The following SGMS1 variants were observed in gnomAD, a reference collection of about 807,000 sequenced individuals.
SGMS1 encodes the protein sphingomyelin synthase 1.
A neutral mutation model predicts 46.2 loss-of-function variants in SGMS1; 13 were observed. The ratio of observed to expected loss-of-function variants is 0.28; its 90% CI spans 0.18 to 0.45. SGMS1 has a LOEUF of 0.45. SGMS1 is among the 20% of genes least tolerant of loss of function. The probability of loss-of-function intolerance (pLI) is 1.00; values close to 1 mark genes in which losing one functional copy is unlikely to be tolerated. For synonymous variants in SGMS1, 203 were observed against 187.8 expected, an observed-to-expected ratio of 1.08 and a Z score of -0.66; for missense variants, 324 against 519.9, an observed-to-expected ratio of 0.62 and a Z score of 3.66.
intron 2 of SGMS1, among the ~76,000 whole-genome samples, chr10:50,523,625 T>C (rs2133792459): frequency 6.6e-6 from 1 of 152,356 alleles, no homozygotes. Context: ...CTTGTTTATG[T>C]GCATATTCTT....
At chr10:50,369,417 G>A (rs1233599869) in intron 6 of SGMS1, among the ~76,000 whole-genome samples, 2 of 152,182 alleles carry the variant, frequency 1.3e-5, no homozygotes, top group Admixed American at 6.5e-5. Context: ...AGGATCCCTT[G>A]AGCCTGGGAA....
intron 6 of SGMS1, among the ~76,000 whole-genome samples, chr10:50,408,676 C>G (rs1849056902): frequency 6.6e-6 from 1 of 151,512 alleles, no homozygotes; most frequent in African/African-American, 2.4e-5. Flanking sequence ...GAGTGAGACT[C>G]CATTTAAAAA....
At chr10:50,576,387 A>C (rs1040980838) in intron 2 of SGMS1, among the ~76,000 whole-genome samples, 1 of 152,224 alleles carries the variant, frequency 6.6e-6, no homozygotes, top group Admixed American at 6.5e-5. Context: ...CACTCATCTC[A>C]GAGTCACCCT....
chr10:50,613,970 A>G (rs545227762), intron 1 of SGMS1, among the ~76,000 whole-genome samples: 1 of 152,312 alleles, frequency 6.6e-6, no homozygotes, highest in South Asian at 2.1e-4. Flanking sequence ...TTTCCTACAA[A>G]CACAGTTTTC....
chr10:50,619,991 T>G (rs1015744589), intron 1 of SGMS1, among the ~76,000 whole-genome samples: 2 of 152,230 alleles, frequency 1.3e-5, no homozygotes, highest in Non-Finnish European at 2.9e-5. Flanking sequence ...GTGTGTGATG[T>G]GTTTATCTGT....
intron 6 of SGMS1, among the ~76,000 whole-genome samples, chr10:50,426,243 A>T (rs998446031): frequency 9.2e-5 from 14 of 152,258 alleles, no homozygotes; most frequent in Admixed American, 8.5e-4. Flanking sequence ...CCAAAATGAA[A>T]GTATTTTTCG....
At chr10:50,313,030 C>T (rs1033550251) in intron 8 of SGMS1, among the ~76,000 whole-genome samples, 15 of 152,128 alleles carry the variant, frequency 9.9e-5, no homozygotes, top group Non-Finnish European at 4.4e-5. Flanking sequence ...AAAACCAAGG[C>T]AATTACTAAC....
At chr10:50,418,553 A>T (rs887156409) in intron 6 of SGMS1, 1 of 152,246 alleles carries the variant, frequency 6.6e-6, no homozygotes, top group Non-Finnish European at 1.5e-5. Context: ...TTCTTGATTT[A>T]TACCAAGCTT....
intron 6 of SGMS1, among the ~76,000 whole-genome samples, chr10:50,359,057 C>A (rs1445595943): frequency 6.6e-6 from 1 of 152,190 alleles, no homozygotes; most frequent in Admixed American, 6.5e-5. Flanking sequence ...ATTCCACAGT[C>A]CAACTCTGGT....
chr10:50,391,025 C>T (rs550187110), intron 6 of SGMS1, among the ~76,000 whole-genome samples: 7 of 152,308 alleles, frequency 4.6e-5, no homozygotes, highest in Admixed American at 2.0e-4. Context: ...CTGGCCTTGT[C>T]CTGGAATAGG....
chr10:50,488,493 G>A (rs1837541496), intron 3 of SGMS1, among the ~76,000 whole-genome samples: 1 of 152,112 alleles, frequency 6.6e-6, no homozygotes, highest in South Asian at 2.1e-4. Context: ...TTATTCTTTT[G>A]AAGAAATTAA....
chr10:50,417,261 T>C (rs2133586755), intron 6 of SGMS1, among the ~76,000 whole-genome samples: 1 of 152,280 alleles, frequency 6.6e-6, no homozygotes, highest in African/African-American at 2.4e-5. Flanking sequence ...AAAGCGGGTT[T>C]TTTAAGTGGC....
intron 3 of SGMS1, among the ~76,000 whole-genome samples, chr10:50,510,306 T>C (rs1203842215): frequency 6.6e-6 from 1 of 152,226 alleles, no homozygotes; most frequent in African/African-American, 2.4e-5. Flanking sequence ...CAATTACATT[T>C]TTTCCAGTTT....
At chr10:50,449,229 C>A (rs1350502621) in intron 5 of SGMS1, among the ~76,000 whole-genome samples, 1 of 152,214 alleles carries the variant, frequency 6.6e-6, no homozygotes, top group African/African-American at 2.4e-5. Flanking sequence ...AATCCATCTA[C>A]CTACCTGCCT....
intron 2 of SGMS1, among the ~76,000 whole-genome samples, chr10:50,586,063 A>G (rs1176877634): frequency 6.6e-6 from 1 of 152,182 alleles, no homozygotes; most frequent in African/African-American, 2.4e-5. Flanking sequence ...CAACTATTCA[A>G]CTCTGCAGTT....
intron 5 of SGMS1, among the ~76,000 whole-genome samples, chr10:50,456,576 A>G (rs933394940): frequency 6.6e-6 from 1 of 152,154 alleles, no homozygotes; most frequent in African/African-American, 2.4e-5. Flanking sequence ...AATACCTAGG[A>G]GCACAGAACT....
intron 1 of SGMS1, among the ~76,000 whole-genome samples, chr10:50,605,709 C>T (rs981189016): frequency 1.3e-5 from 2 of 152,174 alleles, no homozygotes; most frequent in Non-Finnish European, 2.9e-5. Flanking sequence ...AAGGCACCCT[C>T]TAATAAAACT....
Position 50,486,730 on chromosome 10 carries a change from C to G in SGMS1, c.-497-19798G>C, listed in dbSNP as rs562391032. Among the ~76,000 whole-genome samples the G allele has an allele frequency of 2.0e-5, 3 of 152,306 alleles. No homozygotes were observed. The East Asian group carries it at 5.8e-4, about 29-fold the overall frequency. ...TTGATGGGAATGTAAATTCATTCAA[C>G]CATTGTGGAAGACAATGTGGTGATT... On this transcript the variant is annotated intron_variant, in intron 3 of 10. Transcript: ENST00000361781.
At chr10:50,434,349 A>G (rs758266365) in intron 5 of SGMS1, among the ~76,000 whole-genome samples, 2 of 152,210 alleles carry the variant, frequency 1.3e-5, no homozygotes, top group Non-Finnish European at 2.9e-5. Context: ...ATGTTATGTG[A>G]AGAACGTGTG....
Sources: allele counts gnomAD v4.1 joint callset (sites outside exome capture counted in the v4.1 genomes callset), GRCh38; gene constraint gnomAD v4.1.1; transcripts MANE v1.5; gene names NCBI Gene and HGNC (gene_info 2026-07-23, HGNC 2026-07-21).